The following POU6F2 variants were observed in gnomAD, a reference collection of about 807,000 sequenced individuals.
The protein encoded by POU6F2 is POU class 6 homeobox 2.
Under a neutral mutation model 71.3 loss-of-function variants are expected in POU6F2, and 31 were observed. That is an observed-to-expected ratio of 0.43 (90% CI 0.33 to 0.59). The LOEUF is 0.59. POU6F2 is among the 20% of genes least tolerant of loss of function. The pLI, the probability that POU6F2 is intolerant of heterozygous loss-of-function variation, is 0.04. For synonymous variants in POU6F2, 347 were observed against 355.7 expected (o/e 0.98, Z 0.27); for missense variants, 783 against 856.8 (o/e 0.91, Z 1.07).
intron 2 of POU6F2, among the ~76,000 whole-genome samples, chr7:39,158,647 G>A (rs1410946592): frequency 6.6e-6 from 1 of 152,058 alleles, no homozygotes. Flanking sequence ...GCAAGAGAAG[G>A]GTGTTCCAAC....
At chr7:39,345,348 A>G (rs1562798140) in intron 5 of POU6F2, among the ~76,000 whole-genome samples, 1 of 152,200 alleles carries the variant, frequency 6.6e-6, no homozygotes, top group Non-Finnish European at 1.5e-5. Flanking sequence ...AAAATCCGCC[A>G]AAGTCAATGA....
intron 6 of POU6F2, among the ~76,000 whole-genome samples, chr7:39,432,537 A>C (rs1027172124): frequency 3.3e-5 from 5 of 152,122 alleles, no homozygotes; most frequent in Non-Finnish European, 7.3e-5. Flanking sequence ...CACTGTGAAC[A>C]CCAGGGTGTG....
intron 2 of POU6F2, among the ~76,000 whole-genome samples, chr7:39,145,820 C>T (rs1189745084): frequency 6.6e-6 from 1 of 152,104 alleles, no homozygotes; most frequent in African/African-American, 2.4e-5. Context: ...TAACATAACC[C>T]ATCCTCTATT....
Position 39,040,939 on chromosome 7 carries a change from A to G in POU6F2, c.106-44921A>G, listed in dbSNP as rs75769245. Among the ~76,000 whole-genome samples, 1,098 of 152,094 alleles carry G rather than the reference A, an allele frequency of 7.2e-3. 16 individuals carry two copies. Among genetic ancestry groups the G allele is most frequent in the East Asian group, 0.041 (212 of 5,144 alleles). On this transcript the variant is annotated intron_variant, in intron 1 of 9. Transcript: ENST00000518318. ...CTCAAACACATACAGACTTTTTTAA[A>G]AATGAAAATATACTCATACAGTGGT...
At chr7:39,108,543 A>G (rs564855721) in intron 2 of POU6F2, among the ~76,000 whole-genome samples, 14 of 152,276 alleles carry the variant, frequency 9.2e-5, no homozygotes, top group Non-Finnish European at 2.1e-4. Context: ...CCACATCCCC[A>G]GAAACTTGAT....
chr7:38,989,052 C>T (rs910174926), intron 1 of POU6F2, among the ~76,000 whole-genome samples: 1 of 151,982 alleles, frequency 6.6e-6, no homozygotes, highest in Non-Finnish European at 1.5e-5. Flanking sequence ...AAATGGTAGA[C>T]CCGTTGGGGA....
chr7:39,445,178 T>G (rs1179505596), intron 7 of POU6F2, among the ~76,000 whole-genome samples: 1 of 152,212 alleles, frequency 6.6e-6, no homozygotes, highest in Non-Finnish European at 1.5e-5. Flanking sequence ...TTACTAATTT[T>G]CAAAAAAATC....
At chr7:39,398,212 G>T (rs1787218299) in intron 5 of POU6F2, among the ~76,000 whole-genome samples, 1 of 152,054 alleles carries the variant, frequency 6.6e-6, no homozygotes. Flanking sequence ...TGTTGAAAGA[G>T]TCAAAGATAC....
Position 39,183,464 on chromosome 7 carries a change from G to A in POU6F2, c.278-20771G>A, listed in dbSNP as rs534480294. Among the ~76,000 whole-genome samples the A allele has an allele frequency of 9.9e-5, 15 of 152,194 alleles. No individual in the cohort carries two copies. The South Asian group carries it at 3.1e-3, about 32-fold the overall frequency. On this transcript the variant is annotated intron_variant, in intron 2 of 9. Transcript: ENST00000518318. ...AGGAGGAAGAGAGAGAGAAGGGGGA[G>A]GTGCTACACACTTTTATAAACAACA...
chr7:39,367,977 T>C (rs1786537050), intron 5 of POU6F2, among the ~76,000 whole-genome samples: 3 of 152,204 alleles, frequency 2.0e-5, no homozygotes. Flanking sequence ...GCTCCACCAG[T>C]GAACCATTTC....
intron 7 of POU6F2, among the ~76,000 whole-genome samples, chr7:39,445,042 A>G (rs948000241): frequency 3.9e-5 from 6 of 152,240 alleles, no homozygotes; most frequent in African/African-American, 1.2e-4. Context: ...ATTTTTCCTC[A>G]AAAGGTAATC....
chr7:39,086,912 G>C (rs557269846), intron 2 of POU6F2, among the ~76,000 whole-genome samples: 2 of 152,158 alleles, frequency 1.3e-5, no homozygotes, highest in South Asian at 4.2e-4. Context: ...TAGGTTTTCA[G>C]AACAATTGCT....
intron 7 of POU6F2, 104 bp downstream of exon 7, chr7:39,433,387 A>C (rs1788157636): frequency 7.8e-7 from 1 of 1,277,228 alleles, no homozygotes; most frequent in African/African-American, 1.5e-5. Context: ...ATTACAAAAT[A>C]GTTGATCTCA....
chr7:39,327,234 A>G (rs746930333), intron 4 of POU6F2, among the ~76,000 whole-genome samples: 7 of 151,398 alleles, frequency 4.6e-5, no homozygotes, highest in Non-Finnish European at 8.8e-5. Flanking sequence ...AGCTGAGATC[A>G]CGCCACTGCA....
At chr7:39,162,039 T>G (rs924139499) in intron 2 of POU6F2, among the ~76,000 whole-genome samples, 9 of 152,218 alleles carry the variant, frequency 5.9e-5, no homozygotes, top group African/African-American at 2.2e-4. Context: ...TGGGGATGCC[T>G]TTCTGCTGAT....
At chr7:39,274,632 A>G (rs1163793508) in intron 4 of POU6F2, among the ~76,000 whole-genome samples, 4 of 124,058 alleles carry the variant, frequency 3.2e-5, no homozygotes, top group African/African-American at 1.2e-4. Flanking sequence ...CTTGATGAAC[A>G]TTGATGCAAA....
In POU6F2 at chr7:39,339,938, T is replaced by A. The variant is rs561479595; in HGVS notation, c.895T>A (p.Ser299Thr). The change falls in exon 5 of 10, where the codon TCC becomes ACC. Residue 299 changes from serine (S) to threonine (T), a missense_variant. Physicochemically the swap from Ser to Thr is moderately conservative, Grantham distance 58 (BLOSUM62 1). Around this residue, in one of 2 missense-constraint regions of POU6F2, gnomAD observed 572 missense variants for 572.9 expected, o/e 1.00. Transcript: ENST00000518318. ...QNQPSPTQQS[S>T]SPPQKPSQSP... ...CCAACCATCTCCAACCCAGCAGAGCTCCAGCCCCCCGCAGAAACCTAGTCA... is the reference window on the plus strand; with the variant it reads ...CCAACCATCTCCAACCCAGCAGAGCACCAGCCCCCCGCAGAAACCTAGTCA... The A allele has an allele frequency of 3.1e-6, 5 of 1,613,702 alleles. No individual in the cohort carries two copies. Among genetic ancestry groups the A allele is most frequent in the Non-Finnish European group, 3.4e-6 (4 of 1,179,826 alleles).
At chr7:39,297,061 A>C (rs1784859593) in intron 4 of POU6F2, among the ~76,000 whole-genome samples, 1 of 152,220 alleles carries the variant, frequency 6.6e-6, no homozygotes, top group African/African-American at 2.4e-5. Flanking sequence ...ATGAGACAAA[A>C]GAGTTAAATT....
intron 2 of POU6F2, among the ~76,000 whole-genome samples, chr7:39,093,671 A>G (rs1418154033): frequency 6.6e-6 from 1 of 152,126 alleles, no homozygotes; most frequent in Non-Finnish European, 1.5e-5. Flanking sequence ...AAAAAAGCAT[A>G]ATTATGACAG....
Sources: allele counts gnomAD v4.1 joint callset (sites outside exome capture counted in the v4.1 genomes callset), GRCh38; gene constraint gnomAD v4.1.1; regional missense constraint gnomAD v4.1.1; transcripts MANE v1.5; gene names NCBI Gene and HGNC (gene_info 2026-07-23, HGNC 2026-07-21).